BRCA1: variants seen among roughly 807,000 people sequenced by gnomAD.
BRCA1 encodes BRCA1 DNA repair associated, also known as breast cancer type 1 susceptibility protein.
BRCA1 carries 140 observed loss-of-function variants against 173.7 expected under a neutral mutation model. The observed-to-expected ratio is 0.81, with a 90% CI of 0.70 to 0.93. BRCA1 has a LOEUF of 0.93. Ranked by LOEUF, BRCA1 falls within the 40% of genes least tolerant of loss-of-function variation. BRCA1 has a pLI of 0.00. For synonymous variants in BRCA1, 662 were observed against 756.0 expected, an observed-to-expected ratio of 0.88 and a Z score of 2.04; for missense variants, 1,983 against 2,172.5, an observed-to-expected ratio of 0.91 and a Z score of 1.73.
intron 1 of BRCA1, chr17:43,139,017 A>G (rs756753665): frequency 1.3e-6 from 1 of 763,306 alleles, no homozygotes; most frequent in Non-Finnish European, 2.4e-6. Context: ...CCTATATACA[A>G]CCCCTTTTTG....
intron 1 of BRCA1, chr17:43,166,707 A>G (rs2056270772): frequency 6.6e-6 from 1 of 152,212 alleles, no homozygotes; most frequent in African/African-American, 2.4e-5. Flanking sequence ...CACCAAACCA[A>G]AATCAGAGTA....
Position 43,104,254 on chromosome 17 carries a change from G to C in BRCA1, c.309C>G (p.Asn103Lys), listed in dbSNP as rs876659814. Residue 103 changes from asparagine (N) to lysine (K), a missense_variant, in exon 6 of 23, where the codon AAC becomes AAG. By Grantham distance (94) the Asn-to-Lys change is moderately conservative. Transcript: ENST00000357654. ...FQLDTGLEYA[N>K]SYNFAKKENN... ...TTTCCTTTTTTGCAAAATTATAGCT[G>C]TTTGCATCTGTAAAATACAAGGGAA... 1 of 1,609,114 alleles carries C rather than the reference G, an allele frequency of 6.2e-7. No homozygotes were observed. The highest frequency in any genetic ancestry group is 8.5e-7 in the Non-Finnish European group (1 of 1,175,958).
chr17:43,071,917 G>T (rs1244448774), intron 14 of BRCA1, among the ~76,000 whole-genome samples: 1 of 151,454 alleles, frequency 6.6e-6, no homozygotes, highest in Non-Finnish European at 1.5e-5. Context: ...CTGAGGCAGG[G>T]GAATGGCGTG....
chr17:43,095,743 G>A, intron 9 of BRCA1, 103 bp downstream of exon 9: 1 of 928,036 alleles, frequency 1.1e-6, no homozygotes, highest in Non-Finnish European at 1.7e-6. Flanking sequence ...GAGATTTTGT[G>A]GGTTGTAAAG....
intron 7 of BRCA1, among the ~76,000 whole-genome samples, chr17:43,099,429 C>A (rs1401369955): frequency 6.6e-6 from 1 of 151,808 alleles, no homozygotes; most frequent in African/African-American, 2.4e-5. Context: ...TGCCACCACA[C>A]CTGGCTAATT....
At position 43,100,556 on chromosome 17, in the gene BRCA1, G is replaced by A. The variant is rs71367983; in HGVS notation, c.442-676C>T. 1.2e-3 allele frequency among the ~76,000 whole-genome samples: 16 copies of A among 13,420 alleles called. 1 individual carries two copies. Among genetic ancestry groups the A allele is most frequent in the Non-Finnish European group, 3.2e-3 (10 of 3,152 alleles). 8.8% of individuals were successfully genotyped at this position (13,420 alleles called of 152,430 possible). ...TATATACATATATATGTGTGTGTGT[G>A]TGTATATATATATATAACATATATA... On this transcript the variant is annotated intron_variant, in intron 6 of 22. Coordinates refer to ENST00000357654, the MANE Select transcript of BRCA1 (RefSeq NM_007294.4).
chr17:43,139,999 G>A (rs1363027845), intron 1 of BRCA1: 2 of 460,418 alleles, frequency 4.3e-6, no homozygotes, highest in Non-Finnish European at 8.9e-6. Flanking sequence ...CTCATGAGGT[G>A]ACTCTTGGTG....
At chr17:43,102,066 C>A (rs1243816474) in intron 6 of BRCA1, among the ~76,000 whole-genome samples, 4 of 151,502 alleles carry the variant, frequency 2.6e-5, no homozygotes, top group African/African-American at 9.7e-5. Context: ...CCACGCCCAG[C>A]TAAGTTTTTT....
At chr17:43,130,983 T>C (rs1199357017) in intron 1 of BRCA1, among the ~76,000 whole-genome samples, 4 of 152,340 alleles carry the variant, frequency 2.6e-5, no homozygotes, top group East Asian at 1.9e-4. Flanking sequence ...TTATGTATAC[T>C]TTTTCCTGGG....
rs1233536629 is a variant in BRCA1 at position 43,119,944 on chromosome 17, A to C, written c.80+4073T>G. On this transcript the variant is annotated intron_variant, in intron 2 of 22. Transcript: ENST00000357654. ...TGTTGAAGGAAGACTGTGAAAAGGG[A>C]AAAGAAAAAAAATTAAAATGTTCCC... Among the ~76,000 whole-genome samples, 7 of 152,354 alleles carry C rather than the reference A, an allele frequency of 4.6e-5. No individual in the cohort carries two copies. In the South Asian group the frequency reaches 1.4e-3, roughly 32 times the overall value.
At chr17:43,062,087 GCA>G (rs1042466089) in intron 18 of BRCA1, among the ~76,000 whole-genome samples, 1 of 151,662 alleles carries the variant, frequency 6.6e-6, no homozygotes, top group Non-Finnish European at 1.5e-5. Flanking sequence ...ATATGCATAT[GCA>G]CACACACACT....
rs80357015 is a variant in BRCA1, at chr17:43,094,495, G to A, written c.1036C>T (p.Pro346Ser). 2.1e-5 allele frequency: 34 copies of A among 1,613,798 alleles called. No individual in the cohort carries two copies. The East Asian group carries it at 7.1e-4, about 34-fold the overall frequency. The change falls in exon 10 of 23, where the codon CCC becomes TCC. Residue 346 changes from proline to serine, a missense_variant. Physicochemically the swap from Pro to Ser is moderately conservative, Grantham distance 74. Coordinates refer to ENST00000357654, the MANE Select transcript of BRCA1 (RefSeq NM_007294.4). Reference protein sequence around the residue: ...TEKKVDLNADPLCERKEWNKQ... With the variant: ...TEKKVDLNADSLCERKEWNKQ... ...TTCCATTCTTTTCTCTCACACAGGG[G>A]ATCAGCATTCAGATCTACCTTTTTT...
At chr17:43,149,382 G>C (rs574322950) in intron 1 of BRCA1, among the ~76,000 whole-genome samples, 1 of 151,678 alleles carries the variant, frequency 6.6e-6, no homozygotes, top group Non-Finnish European at 1.5e-5. Flanking sequence ...TTACAGGTGT[G>C]AGCCACCATG....
Position 43,051,118 on chromosome 17 carries a change from C to G in BRCA1, c.5278-1G>C, listed in dbSNP as rs80358099. 6.2e-7 allele frequency: 1 copy of G among 1,613,482 alleles called. No homozygotes were observed. The highest frequency in any genetic ancestry group is 1.7e-5 in the Admixed American group (1 of 59,982). On this transcript the variant is annotated splice_acceptor_variant, in intron 19 of 22. Transcript: ENST00000357654. LOFTEE classifies it high-confidence loss of function. Reference sequence around the variant, plus strand: ...AACAGATTTCTAGCCCCCTGAAGATCTGGAAGAAGAGAGGAAGAGAGAGGG... The same window carrying G: ...AACAGATTTCTAGCCCCCTGAAGATGTGGAAGAAGAGAGGAAGAGAGAGGG...
At chr17:43,161,267 T>C (rs1449809727) in intron 1 of BRCA1, 1 of 152,204 alleles carries the variant, frequency 6.6e-6, no homozygotes, top group Non-Finnish European at 1.5e-5. Flanking sequence ...AACCGTATGA[T>C]TCAGTTGATC....
rs768001441 is a variant in BRCA1, at chr17:43,092,967, T to G, written c.2564A>C (p.Gln855Pro). ...IEMEESELDAQYLQNTFKVSK... is the reference protein window; with the variant it reads ...IEMEESELDAPYLQNTFKVSK... The stretch of plus-strand genomic sequence containing the variant: ...AACCTTGAATGTATTCTGCAAATAC[T>G]GAGCATCAAGTTCACTTTCTTCCAT... Residue 855 changes from glutamine (Q) to proline (P), a missense_variant, in exon 10 of 23, where the codon CAG becomes CCG. Coordinates refer to ENST00000357654, the MANE Select transcript of BRCA1 (RefSeq NM_007294.4). 3.1e-6 allele frequency: 5 copies of G among 1,613,390 alleles called. No homozygotes were observed. The East Asian group carries it at 8.9e-5, about 29-fold the overall frequency.
intron 15 of BRCA1, among the ~76,000 whole-genome samples, chr17:43,069,153 A>G (rs925294417): frequency 6.6e-6 from 1 of 152,218 alleles, no homozygotes; most frequent in Admixed American, 6.5e-5. Context: ...AGAGAAGCTA[A>G]TGACATCCTC....
chr17:43,114,849 T>C (rs1254944840), intron 3 of BRCA1, among the ~76,000 whole-genome samples: 1 of 152,210 alleles, frequency 6.6e-6, no homozygotes, highest in Non-Finnish European at 1.5e-5. Flanking sequence ...GAAAGCCCAC[T>C]TGTTCTACTA....
At chr17:43,074,670 A>T (rs750704225) in intron 13 of BRCA1, 149 bp from the exon 14 acceptor site, 3 of 738,758 alleles carry the variant, frequency 4.1e-6, no homozygotes, top group Non-Finnish European at 4.6e-6. Flanking sequence ...ACAGCCTAGA[A>T]GTCTGGATTC....
Sources: gnomAD v4.1 joint callset for allele counts (sites outside exome capture counted in the v4.1 genomes callset) on GRCh38, gnomAD v4.1.1 for gene constraint, MANE v1.5 for transcripts, NCBI Gene and HGNC (gene_info 2026-07-23, HGNC 2026-07-21) for gene names.